Variants in FAM120B observed in about 807,000 individuals in gnomAD.
The protein encoded by FAM120B is family with sequence similarity 120 member B, also known as constitutive coactivator of peroxisome proliferator-activated receptor gamma.
FAM120B carries 83 observed loss-of-function variants against 96.3 expected under a neutral mutation model. That is an observed-to-expected ratio of 0.86 (90% CI 0.72 to 1.03). The LOEUF (loss-of-function observed/expected upper bound fraction) is 1.03, where lower values mean the gene tolerates loss of function less well. Among genes scored for constraint, FAM120B ranks in the 50% least tolerant of loss-of-function variants. The pLI is 0.00. For missense variants in FAM120B, 1,027 were observed against 1,121.2 expected (o/e 0.92, Z 1.20); for synonymous variants, 407 against 402.7 (o/e 1.01, Z -0.13).
chr6:170,387,026 A>G (rs1790223851), intron 6 of FAM120B, among the ~76,000 whole-genome samples: 1 of 152,232 alleles, frequency 6.6e-6, no homozygotes, highest in Non-Finnish European at 1.5e-5. Context: ...GTACCTGTTC[A>G]TGGCAGTCAC....
At position 170,405,743 on chromosome 6, in the gene FAM120B, GC is replaced by G. The variant is rs1241130443; in HGVS notation, c.*994del. The G allele has an allele frequency of 6.6e-6, 1 of 152,232 alleles. No homozygotes were observed. The highest frequency in any genetic ancestry group is 1.5e-5 in the Non-Finnish European group (1 of 68,052). 9.4% of individuals were successfully genotyped at this position (152,232 alleles called of 1,614,324 possible). On this transcript the variant is annotated 3_prime_UTR_variant, in exon 11 of 11. Coordinates refer to ENST00000476287, the MANE Select transcript of FAM120B (RefSeq NM_032448.3). ...GAGTTAATTCTGCCTGGAGGGTTCT[GC>G]CTGGGAGACATGACAGCATGTGTGT...
chr6:170,368,089 AT>A (rs1454429915), intron 6 of FAM120B, among the ~76,000 whole-genome samples: 2 of 152,202 alleles, frequency 1.3e-5, no homozygotes, highest in African/African-American at 4.8e-5. Context: ...ATGTTGTGTG[AT>A]TTAATATTGA....
intron 6 of FAM120B, among the ~76,000 whole-genome samples, chr6:170,372,403 G>T (rs1789249961): frequency 8.1e-6 from 1 of 124,032 alleles, no homozygotes; most frequent in Admixed American, 1.0e-4. Flanking sequence ...CAAGATGATG[G>T]TAGTATCTAC....
intron 3 of FAM120B, among the ~76,000 whole-genome samples, chr6:170,329,884 G>T (rs1033767729): frequency 1.3e-5 from 2 of 152,032 alleles, no homozygotes; most frequent in East Asian, 3.9e-4. Context: ...TTTCTGCCCC[G>T]CATCGAAGCC....
chr6:170,372,690 A>G (rs1789270514), intron 6 of FAM120B, among the ~76,000 whole-genome samples: 2 of 152,290 alleles, frequency 1.3e-5, no homozygotes, highest in South Asian at 2.1e-4. Flanking sequence ...CTTTACCAAC[A>G]TGGGAGGTTT....
chr6:170,321,332 C>T (rs914496952), intron 2 of FAM120B, among the ~76,000 whole-genome samples: 3 of 152,192 alleles, frequency 2.0e-5, no homozygotes, highest in African/African-American at 7.2e-5. Flanking sequence ...ATTGGATACA[C>T]GCATAACCAC....
At chr6:170,371,530 A>G (rs1156552868) in intron 6 of FAM120B, among the ~76,000 whole-genome samples, 4 of 152,232 alleles carry the variant, frequency 2.6e-5, no homozygotes, top group African/African-American at 9.6e-5. Flanking sequence ...TTTTGCCATG[A>G]TAAGAAGCTG....
At position 170,317,229 on chromosome 6, in the gene FAM120B, C is replaced by T. The variant is rs530421117; in HGVS notation, c.-21-141C>T. On this transcript the variant is annotated intron_variant, in intron 1 of 10. Coordinates refer to ENST00000476287, the MANE Select transcript of FAM120B (RefSeq NM_032448.3). ...GTTTGAATTGAGAACTCTTAAGGCT[C>T]CTAACCAGCATATCATGTTACCTTG... 6.2e-5 allele frequency: 40 copies of T among 650,210 alleles called. No homozygotes were observed. In the African/African-American group the frequency reaches 6.5e-4, roughly 11 times the overall value. 40.3% of individuals were successfully genotyped at this position (650,210 alleles called of 1,614,324 possible).
At chr6:170,348,373 G>T in intron 5 of FAM120B, 50 bp downstream of exon 5, 1 of 1,551,150 alleles carries the variant, frequency 6.4e-7, no homozygotes, top group Non-Finnish European at 8.8e-7. Context: ...CTTACTTTAT[G>T]AGAGGGAGCA....
At chr6:170,294,251 T>G (rs780865649), upstream of FAM120B, among the ~76,000 whole-genome samples, 1 of 152,180 alleles carries the variant, frequency 6.6e-6, no homozygotes, top group Non-Finnish European at 1.5e-5. The surrounding 1 kb of genome is among the most constrained non-coding windows in gnomAD (Gnocchi z 7.9). Context: ...AACAGGAAAC[T>G]TTCTTTTAAA....
chr6:170,389,622 A>G (rs1790377677), intron 7 of FAM120B, among the ~76,000 whole-genome samples: 1 of 151,826 alleles, frequency 6.6e-6, no homozygotes, highest in Admixed American at 6.6e-5. Flanking sequence ...GCAGTGGTGC[A>G]ATCTCCACTA....
intron 2 of FAM120B, among the ~76,000 whole-genome samples, chr6:170,320,999 T>A (rs1785250633): frequency 6.6e-6 from 1 of 151,874 alleles, no homozygotes; most frequent in Admixed American, 6.6e-5. Flanking sequence ...CAGCACAGGG[T>A]TGGGAGTGGA....
At chr6:170,339,407 AGTAT>A (rs1786661442) in intron 4 of FAM120B, among the ~76,000 whole-genome samples, 5 of 152,218 alleles carry the variant, frequency 3.3e-5, no homozygotes, top group Admixed American at 3.3e-4. Flanking sequence ...AGAAATTTGA[AGTAT>A]GTAACTTGAA....
intron 3 of FAM120B, among the ~76,000 whole-genome samples, 173 bp downstream of exon 3, chr6:170,323,432 G>A (rs770431167): frequency 3.3e-5 from 5 of 152,188 alleles, no homozygotes; most frequent in Admixed American, 1.3e-4. Context: ...AAAATTAAGC[G>A]TAAGTGCCAT....
chr6:170,404,589 A>C lies in FAM120B; in HGVS notation c.2732A>C (p.Ter911SerextTer71). ...GAGCATGACCAGTGGAGAAGGTACT[A>C]GTCAACCTCCAGGTAAGTTCATCAC... ...QYEHDQWRRY[*>S] The change falls in exon 10 of 11, where the codon TAG becomes TCG. Residue 911 changes from the stop codon to serine, a stop_lost. Transcript: ENST00000476287. The C allele has an allele frequency of 6.2e-7, 1 of 1,613,338 alleles. No homozygotes were observed. Among genetic ancestry groups the C allele is most frequent in the Non-Finnish European group, 8.5e-7 (1 of 1,179,254 alleles).
At chr6:170,372,022 C>T (rs1789227733) in intron 6 of FAM120B, among the ~76,000 whole-genome samples, 1 of 152,166 alleles carries the variant, frequency 6.6e-6, no homozygotes, top group Non-Finnish European at 1.5e-5. Context: ...AGGTAGTTGA[C>T]TCTCATATTT....
upstream of FAM120B, among the ~76,000 whole-genome samples, chr6:170,303,403 C>A (rs1784184017): frequency 6.6e-6 from 1 of 152,178 alleles, no homozygotes; most frequent in Middle Eastern, 3.4e-3. Context: ...CCATGCCTGG[C>A]CAATTTTTAA....
At chr6:170,348,960 C>A (rs1244410657) in intron 5 of FAM120B, among the ~76,000 whole-genome samples, 1 of 152,138 alleles carries the variant, frequency 6.6e-6, no homozygotes, top group African/African-American at 2.4e-5. Flanking sequence ...TAGGCTCACT[C>A]GACAAGGTGG....
At chr6:170,362,153 G>A (rs1788499621) in intron 6 of FAM120B, among the ~76,000 whole-genome samples, 1 of 152,170 alleles carries the variant, frequency 6.6e-6, no homozygotes, top group Non-Finnish European at 1.5e-5. Context: ...TTATATTATG[G>A]ACCAGTAAAT....
Sources: gnomAD v4.1 joint callset for allele counts (sites outside exome capture counted in the v4.1 genomes callset) on GRCh38, gnomAD v4.1.1 for gene constraint, Gnocchi (gnomAD v3.1) non-coding constraint, MANE v1.5 for transcripts, NCBI Gene and HGNC (gene_info 2026-07-23, HGNC 2026-07-21) for gene names.